PRKG1: variants seen among roughly 807,000 people sequenced by gnomAD.
The protein encoded by PRKG1 is protein kinase cGMP-dependent 1.
Under a neutral mutation model 88.1 loss-of-function variants are expected in PRKG1, and 35 were observed. That is an observed-to-expected ratio of 0.40 (90% confidence interval 0.30 to 0.53). The LOEUF is 0.53. Ranked by LOEUF, PRKG1 falls within the 20% of genes least tolerant of loss-of-function variation. The pLI is 0.59. For missense variants in PRKG1, 540 were observed against 839.8 expected (o/e 0.64, Z 4.41); for synonymous variants, 303 against 292.5 (o/e 1.04, Z -0.37).
intron 1 of PRKG1, among the ~76,000 whole-genome samples, chr10:51,065,753 G>C (rs1843742205): frequency 6.6e-6 from 1 of 152,046 alleles, no homozygotes; most frequent in Admixed American, 6.6e-5. Context: ...GCGCCTTCCT[G>C]TTCTAGGTGT....
At chr10:51,700,131 A>G (rs540637924) in intron 3 of PRKG1, among the ~76,000 whole-genome samples, 13 of 152,376 alleles carry the variant, frequency 8.5e-5, no homozygotes, top group African/African-American at 2.6e-4. Flanking sequence ...CTAAAACAGT[A>G]TTATATCTCC....
At chr10:51,666,303 A>C in intron 3 of PRKG1, among the ~76,000 whole-genome samples, 1 of 152,192 alleles carries the variant, frequency 6.6e-6, no homozygotes, top group East Asian at 1.9e-4. Context: ...CAAGCCCGAC[A>C]CTAAGTTGGC....
intron 9 of PRKG1, among the ~76,000 whole-genome samples, chr10:52,230,271 G>A (rs188259085): frequency 6.6e-6 from 1 of 152,298 alleles, no homozygotes; most frequent in Non-Finnish European, 1.5e-5. Flanking sequence ...AGGGGTGAGG[G>A]AAGTGGAAAC....
At chr10:51,578,656 C>G (rs1020976751) in intron 3 of PRKG1, among the ~76,000 whole-genome samples, 4 of 152,188 alleles carry the variant, frequency 2.6e-5, no homozygotes, top group African/African-American at 7.2e-5. Context: ...ATACTGTCAG[C>G]AATAAATCTT....
In PRKG1 at chr10:51,624,720, A is replaced by C. The variant is rs142709595; in HGVS notation, c.592+156884A>C. Among the ~76,000 whole-genome samples the C allele has an allele frequency of 4.7e-4, 72 of 152,364 alleles. No individual in the cohort carries two copies. In the Middle Eastern group the frequency reaches 0.01, roughly 22 times the overall value. ...ATAATTAAAAAATGTTGAACAAAATAAATGATTAAATAATGATACATTCTC... is the reference window on the plus strand; with the variant it reads ...ATAATTAAAAAATGTTGAACAAAATCAATGATTAAATAATGATACATTCTC... On this transcript the variant is annotated intron_variant, in intron 3 of 17. Transcript: ENST00000373980.
chr10:52,211,826 T>C (rs980723115), intron 9 of PRKG1, among the ~76,000 whole-genome samples: 3 of 152,046 alleles, frequency 2.0e-5, no homozygotes, highest in African/African-American at 7.2e-5. Context: ...CTGTGTGATC[T>C]GTGGCAATTC....
intron 3 of PRKG1, among the ~76,000 whole-genome samples, chr10:51,582,324 T>G (rs1838061232): frequency 6.6e-6 from 1 of 152,128 alleles, no homozygotes; most frequent in Non-Finnish European, 1.5e-5. Context: ...TTTTTATCTT[T>G]TTTTGTAATT....
In PRKG1 at chr10:52,298,318, T is replaced by C. The variant is rs1842424878; in HGVS notation, c.*4418T>C. On this transcript the variant is annotated 3_prime_UTR_variant, in exon 18 of 18. Transcript: ENST00000373980. ...TGCTGAGTGCCTGTTGTATACTTTA[T>C]AGAGTTGAAATAAAAAAATAATTAC... 1 of 151,286 alleles carries C rather than the reference T, an allele frequency of 6.6e-6. No individual in the cohort carries two copies. Among genetic ancestry groups the C allele is most frequent in the African/African-American group, 2.4e-5 (1 of 41,106 alleles). 9.4% of individuals were successfully genotyped at this position (151,286 alleles called of 1,614,324 possible).
At chr10:51,871,466 C>T (rs1841156122) in intron 4 of PRKG1, among the ~76,000 whole-genome samples, 2 of 152,196 alleles carry the variant, frequency 1.3e-5, no homozygotes, top group South Asian at 4.1e-4. Context: ...CTGCTGCCCA[C>T]TGCACACAGC....
chr10:52,012,139 GTTTA>G lies in PRKG1; in HGVS notation c.763-42344_763-42341del, dbSNP rs1291703463. 3.3e-5 allele frequency among the ~76,000 whole-genome samples: 5 copies of G among 151,942 alleles called. No homozygotes were observed. In the East Asian group the frequency reaches 5.8e-4, roughly 18 times the overall value. The stretch of plus-strand genomic sequence containing the variant: ...TTATGAAATTCCACATAGTTGTCTA[GTTTA>G]GTGATATTCTATTTTTACTCTCCCT... On this transcript the variant is annotated intron_variant, in intron 5 of 17. Coordinates refer to ENST00000373980, the MANE Select transcript of PRKG1 (RefSeq NM_006258.4).
chr10:51,370,784 C>T (rs1025877108), intron 2 of PRKG1, among the ~76,000 whole-genome samples: 9 of 151,984 alleles, frequency 5.9e-5, no homozygotes, highest in Non-Finnish European at 1.3e-4. Context: ...AGGTATTTTA[C>T]ATGAGGTTTT....
intron 1 of PRKG1, among the ~76,000 whole-genome samples, chr10:51,106,624 A>G (rs1844841210): frequency 6.6e-6 from 1 of 152,174 alleles, no homozygotes; most frequent in African/African-American, 2.4e-5. Context: ...AAGTCCCACC[A>G]TGGAGCCAGC....
intron 1 of PRKG1, among the ~76,000 whole-genome samples, chr10:50,999,647 G>A (rs918990218): frequency 1.3e-5 from 2 of 152,124 alleles, no homozygotes; most frequent in African/African-American, 4.8e-5. Flanking sequence ...ATATTTGTGG[G>A]TCTATTTATT....
At chr10:51,446,965 G>A (rs1327678420) in intron 2 of PRKG1, among the ~76,000 whole-genome samples, 1 of 152,024 alleles carries the variant, frequency 6.6e-6, no homozygotes, top group East Asian at 1.9e-4. Context: ...CCATGTTACA[G>A]TAAAGTAGTA....
At chr10:51,465,822 A>G (rs2132811268) in intron 2 of PRKG1, among the ~76,000 whole-genome samples, 1 of 152,316 alleles carries the variant, frequency 6.6e-6, no homozygotes, top group Non-Finnish European at 1.5e-5. Flanking sequence ...GTCATCTAAT[A>G]AATCATACCT....
intron 2 of PRKG1, among the ~76,000 whole-genome samples, chr10:51,389,518 C>G (rs1365878396): frequency 1.3e-5 from 2 of 152,142 alleles, no homozygotes; most frequent in Non-Finnish European, 2.9e-5. Context: ...TATTGCCTGT[C>G]AGCCACTAGG....
intron 5 of PRKG1, among the ~76,000 whole-genome samples, chr10:51,987,573 G>A (rs1457052438): frequency 2.6e-5 from 4 of 151,700 alleles, no homozygotes; most frequent in Non-Finnish European, 5.9e-5. Flanking sequence ...GTGTGAATTG[G>A]AAGTGACTTC....
chr10:51,421,161 C>CTTAT (rs1554807290), intron 2 of PRKG1, among the ~76,000 whole-genome samples: 1 of 151,292 alleles, frequency 6.6e-6, no homozygotes, highest in Non-Finnish European at 1.5e-5. Flanking sequence ...CCTTTTATTT[C>CTTAT]TTGTTTGTTT....
At chr10:51,856,699 C>CT (rs1445768619) in intron 4 of PRKG1, among the ~76,000 whole-genome samples, 1 of 152,150 alleles carries the variant, frequency 6.6e-6, no homozygotes, top group Admixed American at 6.5e-5. Flanking sequence ...GGCATGGTGG[C>CT]TTACGCCTGT....
Sources: allele counts gnomAD v4.1 joint callset (sites outside exome capture counted in the v4.1 genomes callset), GRCh38; gene constraint gnomAD v4.1.1; transcripts MANE v1.5; gene names NCBI Gene and HGNC (gene_info 2026-07-23, HGNC 2026-07-21).